The following MARCHF10 variants were observed in gnomAD, a reference collection of about 807,000 sequenced individuals.
The protein encoded by MARCHF10 is probable E3 ubiquitin-protein ligase MARCHF10.
MARCHF10 carries 64 observed loss-of-function variants against 76.2 expected under a neutral mutation model. That is an observed-to-expected ratio of 0.84 (90% confidence interval 0.69 to 1.03). The LOEUF is 1.03. Ranked by LOEUF, MARCHF10 falls within the 50% of genes least tolerant of loss-of-function variation. The probability of loss-of-function intolerance (pLI) is 0.00; values close to 1 mark genes in which losing one functional copy is unlikely to be tolerated. For synonymous variants in MARCHF10, 340 were observed against 357.5 expected, an observed-to-expected ratio of 0.95 and a Z score of 0.55; for missense variants, 875 against 958.0, an observed-to-expected ratio of 0.91 and a Z score of 1.14.
intron 10 of MARCHF10, 101 bp from the exon 11 acceptor site, chr17:62,701,859 C>A: frequency 6.6e-7 from 1 of 1,507,588 alleles, no homozygotes; most frequent in South Asian, 1.1e-5. Context: ...CACCCCATCC[C>A]TGAGGCCCAG....
intron 2 of MARCHF10, among the ~76,000 whole-genome samples, chr17:62,800,879 G>T (rs1423127727): frequency 6.6e-6 from 1 of 152,188 alleles, no homozygotes; most frequent in Non-Finnish European, 1.5e-5. Context: ...GTAACTAGGG[G>T]GACCAGCAGT....
In MARCHF10 at chr17:62,749,639, G is replaced by A. The variant is rs528238632; in HGVS notation, c.383-5111C>T. On this transcript the variant is annotated intron_variant, in intron 4 of 10. Transcript: ENST00000311269. Reference sequence around the variant, plus strand: ...GTACCCAGAGGAGATCTTAATTAAAGCTTAATTATGTACCATAAATATGTT... The same window carrying A: ...GTACCCAGAGGAGATCTTAATTAAAACTTAATTATGTACCATAAATATGTT... Among the ~76,000 whole-genome samples the A allele has an allele frequency of 4.6e-5, 7 of 152,328 alleles. No homozygotes were observed. In the South Asian group the frequency reaches 1.2e-3, roughly 27 times the overall value.
rs186160637 is a variant in MARCHF10 at position 62,762,992 on chromosome 17, T to A, written c.211-2986A>T. On this transcript the variant is annotated intron_variant, in intron 3 of 10. Transcript: ENST00000311269. ...GGGAGTGAATCCCAGCTCTTGCACA[T>A]AGTAATTGTGTGACATTGGGTTAGT... Among the ~76,000 whole-genome samples, 676 of 152,236 alleles carry A rather than the reference T, an allele frequency of 4.4e-3. 3 individuals are homozygous for A. The highest frequency in any genetic ancestry group is 7.1e-3 in the Non-Finnish European group (481 of 67,998).
intron 2 of MARCHF10, among the ~76,000 whole-genome samples, chr17:62,797,875 G>T (rs887340387): frequency 3.3e-5 from 5 of 151,860 alleles, no homozygotes; most frequent in Admixed American, 6.6e-5. Flanking sequence ...GTGGCAACAG[G>T]GTAAAAAGGA....
At chr17:62,751,344 G>C (rs1297426562) in intron 4 of MARCHF10, among the ~76,000 whole-genome samples, 3 of 152,142 alleles carry the variant, frequency 2.0e-5, no homozygotes, top group Non-Finnish European at 4.4e-5. Flanking sequence ...CTTCAAAGGT[G>C]GTTCACAGAC....
Position 62,759,838 on chromosome 17 carries a change from G to C in MARCHF10, c.379C>G (p.Pro127Ala). The change falls in exon 4 of 11, where the codon CCA (proline) becomes GCA (alanine). Residue 127 changes from proline to alanine, a missense_variant. Transcript: ENST00000311269. ...AEKVDPSEPS[P>A]ADQAPMVLLR... is the part of the protein sequence containing the mutation. Reference sequence around the variant, plus strand: ...TTTCAATAAGCCAGCCACTCACCTGGAGAGGGTTCGCTGGGGTCCACTTTC... The same window carrying C: ...TTTCAATAAGCCAGCCACTCACCTGCAGAGGGTTCGCTGGGGTCCACTTTC... 6.2e-7 allele frequency: 1 copy of C among 1,613,672 alleles called. No homozygotes were observed. Among genetic ancestry groups the C allele is most frequent in the Non-Finnish European group, 8.5e-7 (1 of 1,179,856 alleles).
At chr17:62,705,316 C>A in intron 10 of MARCHF10, 1 of 1,462,872 alleles carries the variant, frequency 6.8e-7, no homozygotes, top group Non-Finnish European at 9.0e-7. Flanking sequence ...CCTTTCCTTG[C>A]GTTCAGGATG....
intron 3 of MARCHF10, among the ~76,000 whole-genome samples, chr17:62,787,819 C>G (rs2092771465): frequency 6.6e-6 from 1 of 151,972 alleles, no homozygotes; most frequent in South Asian, 2.1e-4. Context: ...ATTAAATAAG[C>G]TAATATGTAT....
At chr17:62,780,199 G>A (rs2092632435) in intron 3 of MARCHF10, among the ~76,000 whole-genome samples, 1 of 152,162 alleles carries the variant, frequency 6.6e-6, no homozygotes, top group African/African-American at 2.4e-5. Context: ...GATCTACACA[G>A]TACATTTAAT....
At chr17:62,725,224 C>A in intron 6 of MARCHF10, 120 bp from the exon 7 acceptor site, 1 of 827,908 alleles carries the variant, frequency 1.2e-6, no homozygotes, top group Non-Finnish European at 1.8e-6. Context: ...CCGCTGCCCC[C>A]TCTGACCCTA....
Position 62,759,820 on chromosome 17 carries a change from A to T in MARCHF10, c.382+15T>A. 2 of 1,608,596 alleles carry T rather than the reference A, an allele frequency of 1.2e-6. No homozygotes were observed. The highest frequency in any genetic ancestry group is 1.7e-6 in the Non-Finnish European group (2 of 1,177,738). Reference sequence around the variant, plus strand: ...GATTTTAGATCTGATGAATTTCAATAAGCCAGCCACTCACCTGGAGAGGGT... The same window carrying T: ...GATTTTAGATCTGATGAATTTCAATTAGCCAGCCACTCACCTGGAGAGGGT... On this transcript the variant is annotated intron_variant, in intron 4 of 10. Transcript: ENST00000311269.
chr17:62,734,842 CA>C (rs943818287), intron 6 of MARCHF10, among the ~76,000 whole-genome samples: 9 of 152,108 alleles, frequency 5.9e-5, no homozygotes, highest in Non-Finnish European at 1.2e-4. Flanking sequence ...AATGCATTTT[CA>C]AAGAAATTAT....
chr17:62,703,110 C>T (rs773133065), intron 10 of MARCHF10, among the ~76,000 whole-genome samples: 1 of 152,228 alleles, frequency 6.6e-6, no homozygotes, highest in Non-Finnish European at 1.5e-5. Context: ...GCCCTAACCT[C>T]GGTTTCACTT....
intron 10 of MARCHF10, among the ~76,000 whole-genome samples, chr17:62,704,294 G>A (rs2089439165): frequency 6.6e-6 from 1 of 152,032 alleles, no homozygotes; most frequent in African/African-American, 2.4e-5. Context: ...TAAAGACCTC[G>A]CAGCGCCCTT....
At chr17:62,800,170 T>C (rs2093048109) in intron 2 of MARCHF10, among the ~76,000 whole-genome samples, 1 of 152,188 alleles carries the variant, frequency 6.6e-6, no homozygotes, top group Non-Finnish European at 1.5e-5. Context: ...AGGCACCAAA[T>C]AGATATTGGC....
chr17:62,701,473 C>G lies in MARCHF10; in HGVS notation c.*230G>C. ...GCACCAGGCCAGCCTGCCAGGGGCT[C>G]CACAGTCCCACGCTGCTTGACCTGT... On this transcript the variant is annotated 3_prime_UTR_variant, in exon 11 of 11. Transcript: ENST00000311269. 1.0e-6 allele frequency: 1 copy of G among 1,000,294 alleles called. No individual in the cohort carries two copies. The highest frequency in any genetic ancestry group is 2.9e-5 in the Admixed American group (1 of 33,974). 62.0% of individuals were successfully genotyped at this position (1,000,294 alleles called of 1,614,324 possible).
At chr17:62,722,344 C>A in intron 8 of MARCHF10, 144 bp downstream of exon 8, 4 of 509,896 alleles carry the variant, frequency 7.8e-6, no homozygotes, top group Non-Finnish European at 7.0e-6. Flanking sequence ...CAGGTCTTCT[C>A]AGAGAAGTAA....
At chr17:62,730,622 G>A (rs927424727) in intron 6 of MARCHF10, among the ~76,000 whole-genome samples, 7 of 151,978 alleles carry the variant, frequency 4.6e-5, no homozygotes, top group Admixed American at 1.3e-4. Flanking sequence ...CTGGCTGGGC[G>A]TGGTGGCTCA....
chr17:62,763,545 G>GCT (rs1457313979), intron 3 of MARCHF10, among the ~76,000 whole-genome samples: 3 of 152,016 alleles, frequency 2.0e-5, no homozygotes, highest in Admixed American at 2.0e-4. Flanking sequence ...TTTTTAAATT[G>GCT]CATCTTTTCC....
Sources: allele counts gnomAD v4.1 joint callset (sites outside exome capture counted in the v4.1 genomes callset), GRCh38; gene constraint gnomAD v4.1.1; transcripts MANE v1.5; gene names NCBI Gene and HGNC (gene_info 2026-07-23, HGNC 2026-07-21).